A2M: variants seen among roughly 807,000 people sequenced by gnomAD.
A2M encodes alpha-2-macroglobulin.
A2M carries 128 observed loss-of-function variants against 183.9 expected under a neutral mutation model. The ratio of observed to expected loss-of-function variants is 0.70; its 90% CI spans 0.60 to 0.81. The LOEUF is 0.81. Ranked by LOEUF, A2M falls within the 30% of genes least tolerant of loss-of-function variation. The pLI, the probability that A2M is intolerant of heterozygous loss-of-function variation, is 0.00. For missense variants in A2M, 1,495 were observed against 1,787.6 expected, an observed-to-expected ratio of 0.84 and a Z score of 2.95; for synonymous variants, 592 against 670.8, an observed-to-expected ratio of 0.88 and a Z score of 1.81.
chr12:9,106,493 G>A lies in A2M; in HGVS notation c.992C>T (p.Thr331Ile). The change falls in exon 9 of 36, where the codon ACA becomes ATA. Residue 331 changes from threonine to isoleucine, a missense_variant and splice_region_variant. Thr to Ile is a moderately conservative substitution (Grantham distance 89). Transcript: ENST00000318602. The stretch of plus-strand genomic sequence containing the variant: ...TTATACCCATGTAGTACACAAACCT[G>A]TTCCTTCTTCTTGGATCTGGGCCTC... ...HTEAQIQEEG[T>I]VVELTGRQSS... 1 of 1,583,314 alleles carries A rather than the reference G, an allele frequency of 6.3e-7. No individual in the cohort carries two copies. The highest frequency in any genetic ancestry group is 1.1e-5 in the South Asian group (1 of 88,018).
intron 7 of A2M, among the ~76,000 whole-genome samples, chr12:9,108,164 C>T (rs896021036): frequency 2.0e-5 from 3 of 151,920 alleles, no homozygotes; most frequent in East Asian, 1.9e-4. Context: ...CTCGCTCTGT[C>T]GCCCAGGCTG....
chr12:9,113,259 C>A lies in A2M; in HGVS notation c.270+101G>T, dbSNP rs2137989211. ...TTTGCTACATTTGGATTCCTTCCTG[C>A]AGTTCTTACCAACCTCCCAAAGCCT... On this transcript the variant is annotated intron_variant, in intron 2 of 35. Coordinates refer to ENST00000318602, the MANE Select transcript of A2M (RefSeq NM_000014.6). 13 of 1,251,898 alleles carry A rather than the reference C, an allele frequency of 1.0e-5. No individual in the cohort carries two copies. In the South Asian group the frequency reaches 1.7e-4, roughly 16 times the overall value. The allele number at this position is 1,251,898 out of a possible 1,614,324, so 77.5% of individuals were successfully genotyped here. A position where few individuals can be genotyped will look rare whatever the true frequency, so the allele number is the denominator to read the frequency against.
At chr12:9,107,959 G>A (rs1267615392) in intron 7 of A2M, among the ~76,000 whole-genome samples, 3 of 150,658 alleles carry the variant, frequency 2.0e-5, no homozygotes, top group Non-Finnish European at 3.0e-5. Context: ...CCAGCAAGAC[G>A]AAACAAACAA....
upstream of A2M, chr12:9,116,144 C>T: frequency 2.6e-6 from 1 of 381,314 alleles, no homozygotes; most frequent in African/African-American, 2.1e-5. Flanking sequence ...CGTACAGCAG[C>T]TAATAAGCTT....
At chr12:9,089,344 A>T in intron 21 of A2M, 93 bp from the exon 22 acceptor site, 2 of 943,634 alleles carry the variant, frequency 2.1e-6, no homozygotes, top group Non-Finnish European at 3.3e-6. Flanking sequence ...GATAGTGAAG[A>T]GAAGGATTTG....
chr12:9,104,572 T>C (rs982608608), intron 10 of A2M, among the ~76,000 whole-genome samples, 172 bp from the exon 11 acceptor site: 2 of 151,992 alleles, frequency 1.3e-5, no homozygotes, highest in African/African-American at 4.8e-5. Flanking sequence ...TACTGTCTAG[T>C]GAAAGAGATA....
intron 22 of A2M, among the ~76,000 whole-genome samples, chr12:9,083,386 T>TAAA (rs777468305): frequency 3.5e-5 from 5 of 141,448 alleles, no homozygotes; most frequent in African/African-American, 1.3e-4. Flanking sequence ...ACTTAAAGTA[T>TAAA]AAAAAAAAAA....
chr12:9,111,191 T>C (rs764295797), intron 4 of A2M, among the ~76,000 whole-genome samples: 11 of 152,222 alleles, frequency 7.2e-5, no homozygotes, highest in Non-Finnish European at 1.3e-4. Flanking sequence ...CTTTATTAAG[T>C]ACCTTCTCAT....
At position 9,077,353 on chromosome 12, in the gene A2M, G is replaced by A. The variant is rs758320066; in HGVS notation, c.3344C>T (p.Thr1115Ile). 1 of 1,612,964 alleles carries A rather than the reference G, an allele frequency of 6.2e-7. No homozygotes were observed. The highest frequency in any genetic ancestry group is 1.3e-5 in the African/African-American group (1 of 74,916). The change falls in exon 27 of 36, where the codon ACA (threonine) becomes ATA (isoleucine). Residue 1115 changes from threonine (T) to isoleucine (I), a missense_variant. Physicochemically the swap from Thr to Ile is moderately conservative, Grantham distance 89. Coordinates refer to ENST00000318602, the MANE Select transcript of A2M (RefSeq NM_000014.6). ...ITIALLEIPL[T>I]VTHPVVRNAL... ...GAATGGGGTGGTACCTACAGTGACT[G>A]TGAGAGGAATCTCCAGAAGGGCGAT...
rs867064347 is a variant in A2M, at chr12:9,101,182, C to T, written c.1520G>A (p.Arg507Gln). 4 of 1,561,266 alleles carry T rather than the reference C, an allele frequency of 2.6e-6. No individual in the cohort carries two copies. The highest frequency in any genetic ancestry group is 1.9e-5 in the Admixed American group (1 of 52,426). Residue 507 changes from arginine to glutamine, a missense_variant, in exon 13 of 36, where the codon CGA (arginine) becomes CAA (glutamine). Transcript: ENST00000318602. ...CACAAGCAGTCCATGAGTCCCAGTT[C>T]GGACAATGCCTCCCTTTGCCATTAT... ...YLIMAKGGIV[R>Q]TGTHGLLVKQ...
intron 8 of A2M, 84 bp from the exon 9 acceptor site, chr12:9,106,689 G>A (rs891918342): frequency 4.6e-6 from 3 of 648,850 alleles, no homozygotes; most frequent in Non-Finnish European, 5.3e-6. Context: ...TGTGATTTTT[G>A]TGGGGGGACA....
chr12:9,090,454 G>A lies in A2M; in HGVS notation c.2498C>T (p.Ala833Val). Residue 833 changes from alanine (A) to valine (V), a missense_variant, in exon 20 of 36, where the codon GCC (alanine) becomes GTC (valine). Ala to Val is a moderately conservative substitution (Grantham distance 64, BLOSUM62 0). Transcript: ENST00000318602. ...CTTCTCCACTGGGACAGCTAGGAAG[G>A]CGGGAGAGGCTTCCAGCTGCACACT... ...RVSVQLEASP[A>V]FLAVPVEKEQ... 3 of 1,613,986 alleles carry A rather than the reference G, an allele frequency of 1.9e-6. No homozygotes were observed. Among genetic ancestry groups the A allele is most frequent in the Non-Finnish European group, 2.5e-6 (3 of 1,179,862 alleles).
At chr12:9,106,654 A>C (rs1192126852) in intron 8 of A2M, 49 bp from the exon 9 acceptor site, 1 of 942,066 alleles carries the variant, frequency 1.1e-6, no homozygotes, top group East Asian at 2.7e-5. Context: ...TATTATACTA[A>C]ATAGATCAGT....
At chr12:9,093,963 G>A (rs1188254847) in intron 17 of A2M, among the ~76,000 whole-genome samples, 1 of 152,068 alleles carries the variant, frequency 6.6e-6, no homozygotes, top group Non-Finnish European at 1.5e-5. Flanking sequence ...GGGGAGGAGG[G>A]TCATAAGCAG....
intron 20 of A2M, 69 bp from the exon 21 acceptor site, chr12:9,090,092 A>G: frequency 6.4e-7 from 1 of 1,550,422 alleles, no homozygotes; most frequent in Non-Finnish European, 8.7e-7. Context: ...CTCAAGATTT[A>G]GAAATGTTCA....
At chr12:9,091,171 T>A in intron 19 of A2M, 30 bp downstream of exon 19, 1 of 1,601,722 alleles carries the variant, frequency 6.2e-7, no homozygotes, top group Non-Finnish European at 8.6e-7. Context: ...GATGGCTACC[T>A]TGTATTTAAT....
At position 9,105,573 on chromosome 12, in the gene A2M, A is replaced by T. The variant is rs897089789; in HGVS notation, c.1104+663T>A. On this transcript the variant is annotated intron_variant, in intron 10 of 35. Coordinates refer to ENST00000318602, the MANE Select transcript of A2M (RefSeq NM_000014.6). ...GAGGCACATGTAACTGTGATCTCAG[A>T]CTTCTAGAGTCATAAAGATCCATTT... Among the ~76,000 whole-genome samples the T allele has an allele frequency of 6.3e-4, 96 of 152,210 alleles. 1 individual carries two copies. The highest frequency in any genetic ancestry group is 3.9e-4 in the Admixed American group (6 of 15,288).
intron 33 of A2M, chr12:9,069,073 C>T: frequency 2.6e-6 from 1 of 390,142 alleles, no homozygotes. Context: ...ATACATAGCT[C>T]TGTTCATGGG....
chr12:9,097,632 C>CTTTTT lies in A2M; in HGVS notation c.1851+970_1851+974dup, dbSNP rs34844537. 7.5e-3 allele frequency among the ~76,000 whole-genome samples: 949 copies of CTTTTT among 127,086 alleles called. 27 individuals carry two copies. Among genetic ancestry groups the CTTTTT allele is most frequent in the African/African-American group, 0.026 (868 of 33,992 alleles). 83.4% of individuals were successfully genotyped at this position (127,086 alleles called of 152,430 possible). On this transcript the variant is annotated intron_variant, in intron 15 of 35. Transcript: ENST00000318602. ...AGCAATTATTTCAACTGATGTAATT[C>CTTTTT]TTTTTTTTTTTTTTTTTTTGACACC...
Sources: allele counts gnomAD v4.1 joint callset (sites outside exome capture counted in the v4.1 genomes callset), GRCh38; gene constraint gnomAD v4.1.1; transcripts MANE v1.5; gene names NCBI Gene and HGNC (gene_info 2026-07-23, HGNC 2026-07-21).